Variants in ZNF280D observed in about 807,000 individuals in gnomAD.
ZNF280D encodes the protein zinc finger protein 280D.
ZNF280D carries 39 observed loss-of-function variants against 94.7 expected under a neutral mutation model. The observed-to-expected ratio is 0.41, with a 90% CI of 0.32 to 0.54. The LOEUF (loss-of-function observed/expected upper bound fraction) is 0.54, where lower values mean the gene tolerates loss of function less well. Among genes scored for constraint, ZNF280D ranks in the 20% least tolerant of loss-of-function variants. ZNF280D has a pLI of 0.22. For synonymous variants in ZNF280D, 398 were observed against 377.6 expected (o/e 1.05, Z -0.63); for missense variants, 1,090 against 1,149.3 (o/e 0.95, Z 0.75).
At chr15:56,701,324 A>T (rs1337111885) in intron 4 of ZNF280D, 86 bp from the exon 5 acceptor site, 4 of 985,998 alleles carry the variant, frequency 4.1e-6, no homozygotes, top group Non-Finnish European at 6.0e-6. Flanking sequence ...GAAAACATTT[A>T]AACAGATTTA....
In ZNF280D at chr15:56,678,897, C is replaced by T. The variant is rs535489236; in HGVS notation, c.1005-76G>A. On this transcript the variant is annotated intron_variant, in intron 10 of 21. Transcript: ENST00000267807. The stretch of plus-strand genomic sequence containing the variant: ...GAAATCTCACAAACAAGAATCTGAA[C>T]CTAAATCTTAAAAATATAGATGTAT... 1.8e-5 allele frequency: 24 copies of T among 1,339,636 alleles called. No homozygotes were observed. The African/African-American group carries it at 3.2e-4, about 18-fold the overall frequency. 83.0% of individuals were successfully genotyped at this position (1,339,636 alleles called of 1,614,324 possible).
intron 13 of ZNF280D, among the ~76,000 whole-genome samples, chr15:56,670,660 A>C (rs1247862684): frequency 6.6e-6 from 1 of 151,968 alleles, no homozygotes; most frequent in Non-Finnish European, 1.5e-5. Flanking sequence ...ATATGTGTGC[A>C]TATGTCTTAA....
At chr15:56,693,753 G>A (rs1403333594) in intron 6 of ZNF280D, among the ~76,000 whole-genome samples, 2 of 152,016 alleles carry the variant, frequency 1.3e-5, no homozygotes, top group Non-Finnish European at 2.9e-5. Flanking sequence ...CAAACAAACG[G>A]AATCAATCTG....
Position 56,707,315 on chromosome 15 carries a change from T to C in ZNF280D, c.-85-9A>G. 1 of 1,524,124 alleles carries C rather than the reference T, an allele frequency of 6.6e-7. No homozygotes were observed. Among genetic ancestry groups the C allele is most frequent in the Admixed American group, 2.0e-5 (1 of 50,738 alleles). The allele number at this position is 1,524,124 out of a possible 1,614,324, so 94.4% of individuals were successfully genotyped here. On this transcript the variant is annotated splice_polypyrimidine_tract_variant and intron_variant, in intron 1 of 21. Coordinates refer to ENST00000267807, the MANE Select transcript of ZNF280D (RefSeq NM_017661.4). Reference sequence around the variant, plus strand: ...TATTTCTGTTTTCCTTCCTATAAAATAAAGATACCAACTATTAGGGTGGAC... The same window carrying C: ...TATTTCTGTTTTCCTTCCTATAAAACAAAGATACCAACTATTAGGGTGGAC...
chr15:56,695,467 A>G (rs1412124063), intron 6 of ZNF280D, among the ~76,000 whole-genome samples: 1 of 152,144 alleles, frequency 6.6e-6, no homozygotes. Context: ...CAGAAAAACA[A>G]TTATAACCTG....
At chr15:56,644,278 T>A (rs2052771744) in intron 19 of ZNF280D, among the ~76,000 whole-genome samples, 1 of 152,064 alleles carries the variant, frequency 6.6e-6, no homozygotes, top group South Asian at 2.1e-4. Context: ...TGTAATTGTC[T>A]CAAGTATTTA....
intron 12 of ZNF280D, among the ~76,000 whole-genome samples, 171 bp downstream of exon 12, chr15:56,677,403 C>T (rs2055304515): frequency 1.3e-5 from 2 of 152,136 alleles, no homozygotes; most frequent in South Asian, 4.1e-4. Flanking sequence ...CAGAGATAAG[C>T]AAACAAAAGC....
Position 56,631,519 on chromosome 15 carries a change from T to G in ZNF280D, c.2919A>C (p.Glu973Asp). The G allele has an allele frequency of 1.2e-6, 2 of 1,611,496 alleles. No homozygotes were observed. Among genetic ancestry groups the G allele is most frequent in the Non-Finnish European group, 1.7e-6 (2 of 1,177,938 alleles). ...PSTTEATVDL[E>D]DEKERS ...AATTTCAACTTCTTTCTTTTTCGTCTTCCAGGTCTACTGTTGCCTCTGTTG... is the reference window on the plus strand; with the variant it reads ...AATTTCAACTTCTTTCTTTTTCGTCGTCCAGGTCTACTGTTGCCTCTGTTG... The change falls in exon 22 of 22, where the codon GAA becomes GAC. Residue 973 changes from glutamate to aspartate, a missense_variant. By Grantham distance (45) the Glu-to-Asp change is conservative (BLOSUM62 2). Coordinates refer to ENST00000267807, the MANE Select transcript of ZNF280D (RefSeq NM_017661.4).
intron 20 of ZNF280D, among the ~76,000 whole-genome samples, chr15:56,642,650 G>T (rs566536129): frequency 4.7e-4 from 71 of 151,596 alleles, no homozygotes; most frequent in Non-Finnish European, 5.2e-4. Flanking sequence ...AAATGATTGA[G>T]GTTTTACTGA....
Position 56,630,610 on chromosome 15 carries a change from C to CAA in ZNF280D, c.*887_*888insTT, listed in dbSNP as rs2052038316. ...TTTACAATATCTACATTATACCATA[C>CAA]TTTGGTTTGGCTTCCAGACCATTTT... On this transcript the variant is annotated 3_prime_UTR_variant, in exon 22 of 22. Transcript: ENST00000267807. 6.6e-6 allele frequency: 1 copy of CAA among 152,100 alleles called. No individual in the cohort carries two copies. Among genetic ancestry groups the CAA allele is most frequent in the Middle Eastern group, 3.2e-3 (1 of 316 alleles). 9.4% of individuals were successfully genotyped at this position (152,100 alleles called of 1,614,324 possible). A position where few individuals can be genotyped will look rare whatever the true frequency, so the allele number is the denominator to read the frequency against.
intron 1 of ZNF280D, among the ~76,000 whole-genome samples, chr15:56,733,192 A>AAGGCCT (rs1307612162): frequency 6.6e-6 from 1 of 152,208 alleles, no homozygotes; most frequent in Non-Finnish European, 1.5e-5. Context: ...GCAGAAGGCG[A>AAGGCCT]AGGCCTGCGC....
At chr15:56,689,210 CACT>C in intron 8 of ZNF280D, 60 bp from the exon 9 acceptor site, 1 of 1,556,244 alleles carries the variant, frequency 6.4e-7, no homozygotes, top group Non-Finnish European at 8.7e-7. Flanking sequence ...CTTAAATAAC[CACT>C]AATAATACTT....
intron 7 of ZNF280D, among the ~76,000 whole-genome samples, chr15:56,691,085 T>C (rs1245117050): frequency 1.3e-5 from 2 of 152,098 alleles, no homozygotes; most frequent in African/African-American, 4.8e-5. Flanking sequence ...AACAAAACAT[T>C]TGGTACACAG....
chr15:56,680,105 G>C (rs1230402096), intron 10 of ZNF280D, among the ~76,000 whole-genome samples: 2 of 152,074 alleles, frequency 1.3e-5, no homozygotes, highest in African/African-American at 4.8e-5. Flanking sequence ...CCTCTTGCAA[G>C]GATGTTCACA....
intron 20 of ZNF280D, among the ~76,000 whole-genome samples, chr15:56,639,889 G>T (rs1237067219): frequency 1.3e-5 from 2 of 152,012 alleles, no homozygotes; most frequent in Admixed American, 1.3e-4. Context: ...CTAAGCACAG[G>T]CTTAGGGAGC....
At chr15:56,721,973 T>C (rs1191887185) in intron 1 of ZNF280D, among the ~76,000 whole-genome samples, 1 of 152,200 alleles carries the variant, frequency 6.6e-6, no homozygotes, top group Non-Finnish European at 1.5e-5. Context: ...GTTCTTTTTA[T>C]TTAAAGTGAG....
chr15:56,650,109 C>T (rs1371543179), intron 19 of ZNF280D, among the ~76,000 whole-genome samples: 2 of 151,910 alleles, frequency 1.3e-5, no homozygotes, highest in Admixed American at 1.3e-4. Flanking sequence ...TTTCTAATTC[C>T]CTTATTCTGT....
In ZNF280D at chr15:56,659,703, C is replaced by A. The variant is rs372451245; in HGVS notation, c.1995-1217G>T. 7.2e-5 allele frequency among the ~76,000 whole-genome samples: 11 copies of A among 151,972 alleles called. No individual in the cohort carries two copies. In the South Asian group the frequency reaches 2.3e-3, roughly 32 times the overall value. Reference sequence around the variant, plus strand: ...TGTATTTCAAAATGTAGTCTTCCCCCACCAACAACCCCATCCCCCGTGACA... The same window carrying A: ...TGTATTTCAAAATGTAGTCTTCCCCAACCAACAACCCCATCCCCCGTGACA... On this transcript the variant is annotated intron_variant, in intron 16 of 21. Transcript: ENST00000267807.
intron 6 of ZNF280D, chr15:56,699,529 T>C: frequency 3.6e-6 from 3 of 842,276 alleles, no homozygotes; most frequent in Non-Finnish European, 4.3e-6. Flanking sequence ...TTATATTTTG[T>C]TCTTTAGACT....
Sources: allele counts gnomAD v4.1 joint callset (sites outside exome capture counted in the v4.1 genomes callset), GRCh38; gene constraint gnomAD v4.1.1; transcripts MANE v1.5; gene names NCBI Gene and HGNC (gene_info 2026-07-23, HGNC 2026-07-21).